MCM3AP: variants seen among roughly 807,000 people sequenced by gnomAD.
The protein encoded by MCM3AP is minichromosome maintenance complex component 3 associated protein, also known as germinal-center associated nuclear protein.
A neutral mutation model predicts 184.1 loss-of-function variants in MCM3AP; 126 were observed. The observed-to-expected ratio is 0.68, with a 90% CI of 0.59 to 0.79. The LOEUF (loss-of-function observed/expected upper bound fraction) is 0.79. Ranked by LOEUF, MCM3AP falls within the 30% of genes least tolerant of loss-of-function variation. The probability of loss-of-function intolerance (pLI) is 0.00; values close to 1 mark genes in which losing one functional copy is unlikely to be tolerated. For missense variants in MCM3AP, 2,496 were observed against 2,479.2 expected, an observed-to-expected ratio of 1.01 and a Z score of -0.14; for synonymous variants, 1,002 against 979.3, an observed-to-expected ratio of 1.02 and a Z score of -0.43.
intron 27 of MCM3AP, 81 bp downstream of exon 27, chr21:46,236,748 A>G: frequency 1.1e-6 from 1 of 947,338 alleles, no homozygotes; most frequent in Non-Finnish European, 1.6e-6. Flanking sequence ...CATAGGATAA[A>G]TCGTGATATT....
At chr21:46,254,895 T>C (rs772531489) in intron 17 of MCM3AP, 51 bp from the exon 18 acceptor site, 1 of 1,332,940 alleles carries the variant, frequency 7.5e-7, no homozygotes, top group South Asian at 1.2e-5. Context: ...TAGTGAGAAG[T>C]ACTGGCTAGT....
intron 8 of MCM3AP, 113 bp downstream of exon 8, chr21:46,272,448 G>T: frequency 8.9e-7 from 1 of 1,125,368 alleles, no homozygotes; most frequent in Non-Finnish European, 1.3e-6. Context: ...CCCAACATCT[G>T]CTACCAGACA....
At chr21:46,279,513 A>T (rs1264206025) in intron 4 of MCM3AP, among the ~76,000 whole-genome samples, 1 of 152,260 alleles carries the variant, frequency 6.6e-6, no homozygotes, top group Non-Finnish European at 1.5e-5. Flanking sequence ...CTGTGCAAGG[A>T]CAGAAGTTCT....
intron 13 of MCM3AP, among the ~76,000 whole-genome samples, chr21:46,263,053 G>A (rs2081061626): frequency 6.6e-6 from 1 of 150,874 alleles, no homozygotes; most frequent in South Asian, 2.1e-4. Flanking sequence ...AACAAGGCCA[G>A]GTGCGGTGGC....
chr21:46,258,692 G>A (rs1425997158), intron 16 of MCM3AP, among the ~76,000 whole-genome samples: 2 of 151,266 alleles, frequency 1.3e-5, no homozygotes, highest in African/African-American at 2.4e-5. Context: ...ATACAGAGTA[G>A]CCACCACGTC....
At position 46,284,075 on chromosome 21, in the gene MCM3AP, C is replaced by T. The variant is rs1203934517; in HGVS notation, c.1212G>A (p.Lys404=). Residue 404 remains lysine, a synonymous_variant, in exon 1 of 28, where the codon AAG becomes AAA. Coordinates refer to ENST00000291688, the MANE Select transcript of MCM3AP (RefSeq NM_003906.5). The stretch of plus-strand genomic sequence containing the variant: ...TACATTTTCAGAGCTCACCTTCTTT[C>T]TTCTCTCTACTTTCAGTTTCTTCCT... ...NKEEETESRE[K]KEDSLRGTPA... is the part of the protein sequence containing the mutation. 7.5e-6 allele frequency: 12 copies of T among 1,610,412 alleles called. No individual in the cohort carries two copies. The highest frequency in any genetic ancestry group is 4.2e-6 in the Non-Finnish European group (5 of 1,177,982).
In MCM3AP at chr21:46,283,661, A is replaced by G. The variant is rs1056350831; in HGVS notation, c.1397T>C (p.Phe466Ser). 6.2e-7 allele frequency: 1 copy of G among 1,614,054 alleles called. No individual in the cohort carries two copies. The highest frequency in any genetic ancestry group is 8.5e-7 in the Non-Finnish European group (1 of 1,180,038). Residue 466 changes from phenylalanine to serine, a missense_variant, in exon 2 of 28, where the codon TTT becomes TCT. Physicochemically the swap from Phe to Ser is radical, Grantham distance 155. Transcript: ENST00000291688. The stretch of plus-strand genomic sequence containing the variant: ...TGCAAGCTTTTTGCTGCGCCTGGTA[A>G]AGATGCGCTGCACTTTAGCAATTTT... ...FGKIAKVQRI[F>S]TRRSKKLAVV... is the part of the protein sequence containing the mutation.
chr21:46,285,552 G>A lies in MCM3AP; in HGVS notation c.-266C>T, dbSNP rs2081405533. On this transcript the variant is annotated 5_prime_UTR_variant, in exon 1 of 28. Transcript: ENST00000291688. ...ATAGGTTATTTTGTTGGAGGGTGGG[G>A]TAGAGAGTGGTACAAATAATTACTT... 6.9e-6 allele frequency: 3 copies of A among 437,860 alleles called. No individual in the cohort carries two copies. Among genetic ancestry groups the A allele is most frequent in the Non-Finnish European group, 8.1e-6 (2 of 245,648 alleles). 27.1% of individuals were successfully genotyped at this position (437,860 alleles called of 1,614,324 possible).
At chr21:46,242,752 G>C (rs571064918) in intron 25 of MCM3AP, 50 bp downstream of exon 25, 4 of 1,561,206 alleles carry the variant, frequency 2.6e-6, no homozygotes, top group Admixed American at 2.0e-5. Context: ...TACTTTGCAA[G>C]AAAAATACAG....
rs17176373 is a variant in MCM3AP at position 46,270,210 on chromosome 21, C to T, written c.2628+191G>A. 2,180 of 490,084 alleles carry T rather than the reference C, an allele frequency of 4.4e-3. 7 individuals are homozygous for T. The highest frequency in any genetic ancestry group is 6.6e-3 in the Non-Finnish European group (1,844 of 280,460). 30.4% of individuals were successfully genotyped at this position (490,084 alleles called of 1,614,324 possible). On this transcript the variant is annotated intron_variant, in intron 9 of 27. Coordinates refer to ENST00000291688, the MANE Select transcript of MCM3AP (RefSeq NM_003906.5). ...CAGTATTTTCCATTGCACAGCCTTT[C>T]CGGATGGTGACCAACAGTGATAACC...
intron 13 of MCM3AP, among the ~76,000 whole-genome samples, chr21:46,261,856 CAA>C (rs2081046199): frequency 6.6e-6 from 1 of 152,014 alleles, no homozygotes; most frequent in South Asian, 2.1e-4. Flanking sequence ...TCCAAAATCT[CAA>C]ACTTTTTGAG....
At chr21:46,278,277 T>G (rs1422259281) in intron 4 of MCM3AP, among the ~76,000 whole-genome samples, 1 of 152,198 alleles carries the variant, frequency 6.6e-6, no homozygotes, top group East Asian at 1.9e-4. Flanking sequence ...AAGGAAATAT[T>G]AAGCCTACAT....
chr21:46,249,304 C>T lies in MCM3AP; in HGVS notation c.4290+2225G>A, dbSNP rs115144408. ...CCAGGTTCAAGCAATCTTCCCACCT[C>T]AGCTTCCCAAGCTACTAGAACTACA... On this transcript the variant is annotated intron_variant, in intron 20 of 27. Coordinates refer to ENST00000291688, the MANE Select transcript of MCM3AP (RefSeq NM_003906.5). 2.5e-3 allele frequency among the ~76,000 whole-genome samples: 383 copies of T among 152,294 alleles called. 2 individuals are homozygous for T. The highest frequency in any genetic ancestry group is 9.0e-3 in the African/African-American group (373 of 41,566).
rs903929981 is a variant in MCM3AP at position 46,244,838 on chromosome 21, C to T, written c.5007G>A (p.Gln1669=). 1 of 1,613,942 alleles carries T rather than the reference C, an allele frequency of 6.2e-7. No homozygotes were observed. Among genetic ancestry groups the T allele is most frequent in the Non-Finnish European group, 8.5e-7 (1 of 1,179,876 alleles). Residue 1669 remains glutamine (Q), a synonymous_variant, in exon 23 of 28, where the codon CAG becomes CAA. Transcript: ENST00000291688. The stretch of plus-strand genomic sequence containing the variant: ...GGGGTGGAAGGTCCATCTGCGGAAG[C>T]TGGAACCCGAGCACAGCCTGCTTCA... ...AWLKQAVLGF[Q]LPQMDLPPLG...
At chr21:46,266,360 C>A in intron 10 of MCM3AP, 194 bp from the exon 11 acceptor site, 1 of 519,116 alleles carries the variant, frequency 1.9e-6, no homozygotes, top group Non-Finnish European at 3.3e-6. Flanking sequence ...CTAAGCCCAG[C>A]GTGTTAACAG....
chr21:46,235,443 G>C lies in MCM3AP; in HGVS notation c.5785-17C>G. On this transcript the variant is annotated splice_polypyrimidine_tract_variant and intron_variant, in intron 27 of 27. Transcript: ENST00000291688. ...CATGTCACTCTATTTGAATAAAAAAGAAACTGAACAGTTTTGGGATGTCAA... is the reference window on the plus strand; with the variant it reads ...CATGTCACTCTATTTGAATAAAAAACAAACTGAACAGTTTTGGGATGTCAA... 1 of 1,612,860 alleles carries C rather than the reference G, an allele frequency of 6.2e-7. No homozygotes were observed. The highest frequency in any genetic ancestry group is 1.3e-5 in the African/African-American group (1 of 74,998).
At position 46,251,500 on chromosome 21, in the gene MCM3AP, G is replaced by A. The variant is rs372044366; in HGVS notation, c.4290+29C>T. 3.5e-5 allele frequency: 54 copies of A among 1,559,760 alleles called. No homozygotes were observed. In the African/African-American group the frequency reaches 5.4e-4, roughly 16 times the overall value. On this transcript the variant is annotated intron_variant, in intron 20 of 27. Transcript: ENST00000291688. The stretch of plus-strand genomic sequence containing the variant: ...AGTAAGTGAAAGTAATGAAAACACA[G>A]AAGTAAACACAAAGTAATTATAGTT...
chr21:46,277,446 A>G, intron 5 of MCM3AP, 81 bp downstream of exon 5: 1 of 1,099,964 alleles, frequency 9.1e-7, no homozygotes. Context: ...AGCCCAATGG[A>G]AAGGAGTTGC....
At chr21:46,270,857 G>T (rs899324991) in intron 8 of MCM3AP, among the ~76,000 whole-genome samples, 3 of 152,174 alleles carry the variant, frequency 2.0e-5, no homozygotes, top group African/African-American at 7.2e-5. Flanking sequence ...TCTTACTGGT[G>T]AAATGTGCCG....
Sources: allele counts gnomAD v4.1 joint callset (sites outside exome capture counted in the v4.1 genomes callset), GRCh38; gene constraint gnomAD v4.1.1; transcripts MANE v1.5; gene names NCBI Gene and HGNC (gene_info 2026-07-23, HGNC 2026-07-21).